The following SLC7A11 variants were observed in gnomAD, a reference collection of about 807,000 sequenced individuals.
SLC7A11 encodes the protein solute carrier family 7 member 11, also known as cystine/glutamate transporter.
A neutral mutation model predicts 54.5 loss-of-function variants in SLC7A11; 35 were observed. The observed-to-expected ratio is 0.64, with a 90% confidence interval of 0.49 to 0.85. The LOEUF (loss-of-function observed/expected upper bound fraction) is 0.85. Ranked by LOEUF, SLC7A11 falls within the 40% of genes least tolerant of loss-of-function variation. SLC7A11 has a pLI of 0.00. For missense variants in SLC7A11, 583 were observed against 618.1 expected (o/e 0.94, Z 0.60); for synonymous variants, 230 against 225.2 (o/e 1.02, Z -0.19).
At chr4:138,237,953 A>G (rs1048862525) in intron 1 of SLC7A11, among the ~76,000 whole-genome samples, 4 of 149,952 alleles carry the variant, frequency 2.7e-5, no homozygotes, top group African/African-American at 7.4e-5. Context: ...GGGTTTCTCA[A>G]TTTTGGTCGG....
chr4:138,208,027 A>G lies in SLC7A11; in HGVS notation c.791+6558T>C, dbSNP rs542008999. Among the ~76,000 whole-genome samples the G allele has an allele frequency of 3.9e-5, 6 of 152,196 alleles. No homozygotes were observed. In the East Asian group the frequency reaches 1.2e-3, roughly 29 times the overall value. On this transcript the variant is annotated intron_variant, in intron 6 of 11. Transcript: ENST00000280612. ...ATGATTGTGGACCATTTGTAGACCA[A>G]TCTGGTTGATCACACTGCCTTAAAG...
chr4:138,209,487 C>A (rs1323143256), intron 6 of SLC7A11, among the ~76,000 whole-genome samples: 1 of 151,952 alleles, frequency 6.6e-6, no homozygotes, highest in African/African-American at 2.4e-5. Context: ...TTGATATTCA[C>A]CCATCAATAT....
Position 138,231,226 on chromosome 4 carries a change from A to G in SLC7A11, c.520+1041T>C, listed in dbSNP as rs531937378. The stretch of plus-strand genomic sequence containing the variant: ...GAGGATAAGGGATGAAAATTACTTA[A>G]TATCTACGATGTACACTATTTGGGT... On this transcript the variant is annotated intron_variant, in intron 3 of 11. Coordinates refer to ENST00000280612, the MANE Select transcript of SLC7A11 (RefSeq NM_014331.4). Among the ~76,000 whole-genome samples, 5 of 152,248 alleles carry G rather than the reference A, an allele frequency of 3.3e-5. No individual in the cohort carries two copies. In the East Asian group the frequency reaches 9.6e-4, roughly 29 times the overall value.
At chr4:138,234,650 T>C (rs7685529) in intron 2 of SLC7A11, among the ~76,000 whole-genome samples, 68,405 of 151,996 alleles carry the variant, frequency 0.45, 16,774 homozygotes, top group East Asian at 0.87. Flanking sequence ...TCTCTTTTTA[T>C]TGCCATTTAC....
chr4:138,201,765 T>C (rs1283932222), intron 6 of SLC7A11, among the ~76,000 whole-genome samples: 2 of 152,092 alleles, frequency 1.3e-5, no homozygotes, highest in African/African-American at 4.8e-5. Flanking sequence ...AGCATACCAT[T>C]AAATAAGTAT....
At chr4:138,188,061 A>T (rs1054016083) in intron 6 of SLC7A11, among the ~76,000 whole-genome samples, 2 of 151,962 alleles carry the variant, frequency 1.3e-5, no homozygotes, top group Admixed American at 6.6e-5. Context: ...ATTCTTTTTT[A>T]AAAAAATTTT....
chr4:138,216,201 A>G (rs1482228060), intron 5 of SLC7A11, among the ~76,000 whole-genome samples: 1 of 152,214 alleles, frequency 6.6e-6, no homozygotes, highest in African/African-American at 2.4e-5. Flanking sequence ...CTGCAATGCT[A>G]GCAATGCATT....
intron 6 of SLC7A11, among the ~76,000 whole-genome samples, chr4:138,191,530 C>T (rs1737013181): frequency 6.6e-6 from 1 of 151,946 alleles, no homozygotes; most frequent in African/African-American, 2.4e-5. Flanking sequence ...GCAGCAAAGC[C>T]ACATAGAAAA....
chr4:138,197,605 C>T (rs1200067425), intron 6 of SLC7A11, among the ~76,000 whole-genome samples: 1 of 151,814 alleles, frequency 6.6e-6, no homozygotes. Flanking sequence ...ATAACACTAC[C>T]AAGATAATTT....
At chr4:138,174,344 A>C (rs1419994077) in intron 11 of SLC7A11, 1 of 152,244 alleles carries the variant, frequency 6.6e-6, no homozygotes, top group Non-Finnish European at 1.5e-5. Context: ...CAGTAGCAGC[A>C]CATGGCCATA....
chr4:138,192,028 TA>T (rs1423237458), intron 6 of SLC7A11, among the ~76,000 whole-genome samples: 5 of 152,154 alleles, frequency 3.3e-5, no homozygotes, highest in African/African-American at 4.8e-5. Context: ...TTTAATTTTT[TA>T]AAAAAATTTA....
chr4:138,198,353 T>C (rs1038397435), intron 6 of SLC7A11, among the ~76,000 whole-genome samples: 3 of 151,500 alleles, frequency 2.0e-5, no homozygotes, highest in African/African-American at 7.3e-5. Context: ...AATAATATAA[T>C]AGATAAAGAA....
chr4:138,196,686 C>G (rs947782529), intron 6 of SLC7A11, among the ~76,000 whole-genome samples: 1 of 150,594 alleles, frequency 6.6e-6, no homozygotes, highest in African/African-American at 2.4e-5. Flanking sequence ...TTAGACAGAG[C>G]CTCACTCTTG....
At chr4:138,230,803 T>C (rs1194219456) in intron 3 of SLC7A11, among the ~76,000 whole-genome samples, 2 of 152,156 alleles carry the variant, frequency 1.3e-5, no homozygotes, top group African/African-American at 2.4e-5. Flanking sequence ...AAACAGACTA[T>C]AGACTTTTCT....
In SLC7A11 at chr4:138,164,641, A is replaced by ACAT. The variant is rs1268456953; in HGVS notation, c.*7312_*7314dup. The stretch of plus-strand genomic sequence containing the variant: ...TCTTTAAGAATTTTATCAATGTAAG[A>ACAT]CATTGTATTAAATTTGTATAAAATA... On this transcript the variant is annotated 3_prime_UTR_variant, in exon 12 of 12. Coordinates refer to ENST00000280612, the MANE Select transcript of SLC7A11 (RefSeq NM_014331.4). 6.6e-6 allele frequency: 1 copy of ACAT among 152,162 alleles called. No individual in the cohort carries two copies. The highest frequency in any genetic ancestry group is 2.4e-5 in the African/African-American group (1 of 41,446). 9.4% of individuals were successfully genotyped at this position (152,162 alleles called of 1,614,324 possible). A position where few individuals can be genotyped will look rare whatever the true frequency, so the allele number is the denominator to read the frequency against.
At chr4:138,201,733 A>G (rs957948014) in intron 6 of SLC7A11, among the ~76,000 whole-genome samples, 1 of 152,142 alleles carries the variant, frequency 6.6e-6, no homozygotes, top group Non-Finnish European at 1.5e-5. Context: ...AACTAATGAC[A>G]TGATGTTTAA....
intron 2 of SLC7A11, among the ~76,000 whole-genome samples, chr4:138,233,375 A>C (rs1738128840): frequency 1.3e-5 from 2 of 152,002 alleles, no homozygotes; most frequent in African/African-American, 4.8e-5. Context: ...TAATAGAGAC[A>C]GGGTCTCACC....
At chr4:138,235,366 C>A (rs150570052) in intron 2 of SLC7A11, among the ~76,000 whole-genome samples, 2,538 of 151,658 alleles carry the variant, frequency 0.017, 28 homozygotes, top group Non-Finnish European at 0.026. Flanking sequence ...AATGAAAAAG[C>A]CTTCATGAAG....
intron 3 of SLC7A11, among the ~76,000 whole-genome samples, chr4:138,226,224 A>T (rs922585468): frequency 1.3e-5 from 2 of 152,136 alleles, no homozygotes; most frequent in African/African-American, 4.8e-5. Flanking sequence ...TATAGCCACT[A>T]TAGAAAACAG....
Sources: gnomAD v4.1 joint callset for allele counts (sites outside exome capture counted in the v4.1 genomes callset) on GRCh38, gnomAD v4.1.1 for gene constraint, MANE v1.5 for transcripts, NCBI Gene and HGNC (gene_info 2026-07-23, HGNC 2026-07-21) for gene names.